Variants in JADE3 observed in about 807,000 individuals in gnomAD.
The protein encoded by JADE3 is protein Jade-3.
In JADE3, 2 loss-of-function variants were observed where a neutral mutation model predicts 50.1. That is an observed-to-expected ratio of 0.04 (90% confidence interval 0.02 to 0.13). JADE3 has a LOEUF of 0.13. JADE3 is among the 10% of genes least tolerant of loss of function. JADE3 has a pLI of 1.00. For synonymous variants in JADE3, 218 were observed against 232.9 expected (o/e 0.94, Z 0.58); for missense variants, 475 against 634.4 (o/e 0.75, Z 2.70).
chrX:46,940,642 C>T (rs1185098418), intron 1 of JADE3, among the ~76,000 whole-genome samples: 1 of 110,898 alleles, frequency 9.0e-6, no homozygotes, highest in Non-Finnish European at 1.9e-5. Flanking sequence ...CTTACCAGGA[C>T]CTCAGCCTGA....
At chrX:46,939,455 G>A (rs1444011875) in intron 1 of JADE3, among the ~76,000 whole-genome samples, 2 of 111,495 alleles carry the variant, frequency 1.8e-5, no homozygotes, top group African/African-American at 6.5e-5. Context: ...AGAATTTAAC[G>A]TTAGTAAATT....
chrX:47,042,234 G>T (rs374490358), intron 8 of JADE3, among the ~76,000 whole-genome samples: 4 of 111,539 alleles, frequency 3.6e-5, no homozygotes, highest in African/African-American at 1.3e-4. Flanking sequence ...TTAGTAATTG[G>T]CAATAAGACT....
At chrX:47,026,034 T>C (rs1441699110) in intron 5 of JADE3, among the ~76,000 whole-genome samples, 1 of 111,713 alleles carries the variant, frequency 9.0e-6, no homozygotes, top group South Asian at 3.8e-4. Context: ...TTTTATGTCT[T>C]TTCTTGCTCT....
intron 6 of JADE3, among the ~76,000 whole-genome samples, chrX:47,028,634 A>G (rs958743224): frequency 2.7e-5 from 3 of 111,323 alleles, no homozygotes; most frequent in African/African-American, 9.8e-5. Flanking sequence ...TAACTCCTCA[A>G]TTTTACACAA....
intron 1 of JADE3, among the ~76,000 whole-genome samples, chrX:46,980,706 C>T (rs1927728374): frequency 9.0e-6 from 1 of 111,324 alleles, no homozygotes. Context: ...TTCTCTTATG[C>T]TTTTTGTAAA....
At chrX:46,919,560 G>T (rs1926176448) in intron 1 of JADE3, among the ~76,000 whole-genome samples, 1 of 112,011 alleles carries the variant, frequency 8.9e-6, no homozygotes, top group Non-Finnish European at 1.9e-5. Flanking sequence ...TGAGTGGCCA[G>T]GAATTACCAA....
chrX:46,995,137 C>T (rs1000618235), intron 3 of JADE3, among the ~76,000 whole-genome samples: 5 of 107,317 alleles, frequency 4.7e-5, no homozygotes, highest in African/African-American at 1.7e-4. Flanking sequence ...TCATGCCATT[C>T]TCCTGCCTCA....
At chrX:46,938,440 C>T (rs1462614953) in intron 1 of JADE3, among the ~76,000 whole-genome samples, 13 of 111,498 alleles carry the variant, frequency 1.2e-4, no homozygotes, top group Non-Finnish European at 2.1e-4. Flanking sequence ...AGAAACCTTA[C>T]CACCCTATAG....
At chrX:46,923,393 C>CTTTTTTTTTT (rs782555482) in intron 1 of JADE3, among the ~76,000 whole-genome samples, 122 of 11,516 alleles carry the variant, frequency 0.011, 17 homozygotes, top group South Asian at 0.075. Flanking sequence ...CTCTCTCTCT[C>CTTTTTTTTTT]TTTTTTTTTT....
chrX:47,050,365 G>A (rs1373754807), intron 8 of JADE3, among the ~76,000 whole-genome samples: 2 of 111,774 alleles, frequency 1.8e-5, no homozygotes, highest in Non-Finnish European at 3.8e-5. Flanking sequence ...CATCTCATGC[G>A]TTTATCATTT....
intron 6 of JADE3, 46 bp from the exon 7 acceptor site, chrX:47,033,575 G>C (rs1556367227): frequency 1.9e-6 from 2 of 1,079,493 alleles, no homozygotes; most frequent in Admixed American, 2.4e-5. Context: ...ACCAACCCTG[G>C]TGAGAAGGTG....
intron 3 of JADE3, among the ~76,000 whole-genome samples, chrX:46,986,107 G>A (rs1204275301): frequency 2.7e-5 from 3 of 111,496 alleles, no homozygotes; most frequent in Non-Finnish European, 3.8e-5. Context: ...ATGAGTAGAA[G>A]CAGCCTGAGG....
At chrX:47,037,499 CCT>C (rs1335748830) in intron 7 of JADE3, among the ~76,000 whole-genome samples, 1 of 111,882 alleles carries the variant, frequency 8.9e-6, no homozygotes, top group Non-Finnish European at 1.9e-5. Context: ...ATTACGGTAA[CCT>C]TGGCTGGGCG....
chrX:47,016,320 A>G (rs1928675262), intron 4 of JADE3, among the ~76,000 whole-genome samples: 1 of 111,864 alleles, frequency 8.9e-6, no homozygotes, highest in Admixed American at 9.5e-5. Flanking sequence ...CTATGAGATC[A>G]CAGGAACCTT....
rs782576073 is a variant in JADE3 at position 46,934,719 on chromosome X, G to T, written c.-12+22000G>T. On this transcript the variant is annotated intron_variant, in intron 1 of 10. Transcript: ENST00000614628. Reference sequence around the variant, plus strand: ...CAAAGTGCTGGGATTACAAGCCTGAGCCACCGTGCCCGGCCTTCTTCTATG... The same window carrying T: ...CAAAGTGCTGGGATTACAAGCCTGATCCACCGTGCCCGGCCTTCTTCTATG... Among the ~76,000 whole-genome samples the T allele has an allele frequency of 1.4e-4, 15 of 111,051 alleles. No homozygotes were observed. In the East Asian group the frequency reaches 4.3e-3, roughly 31 times the overall value.
At chrX:46,923,393 C>CTCTCTTT (rs1556338199) in intron 1 of JADE3, among the ~76,000 whole-genome samples, 1 of 11,525 alleles carries the variant, frequency 8.7e-5, no homozygotes, top group Admixed American at 1.5e-3. Flanking sequence ...CTCTCTCTCT[C>CTCTCTTT]TTTTTTTTTT....
chrX:46,963,924 G>A (rs1264559005), intron 1 of JADE3, among the ~76,000 whole-genome samples: 4 of 111,853 alleles, frequency 3.6e-5, no homozygotes, highest in East Asian at 2.8e-4. Flanking sequence ...AAAGAATTGG[G>A]GCCATTTTTG....
intron 8 of JADE3, among the ~76,000 whole-genome samples, chrX:47,040,122 C>T (rs1556369303): frequency 8.9e-6 from 1 of 112,194 alleles, no homozygotes; most frequent in African/African-American, 3.2e-5. Flanking sequence ...TAAGATGGCT[C>T]TTCTGGCTAG....
chrX:47,019,049 A>G (rs1556363708), intron 4 of JADE3, among the ~76,000 whole-genome samples: 1 of 111,836 alleles, frequency 8.9e-6, no homozygotes, highest in East Asian at 2.8e-4. Context: ...CTCCAAGTGC[A>G]TGCGTTCCTG....
Sources: gnomAD v4.1 joint callset for allele counts (sites outside exome capture counted in the v4.1 genomes callset) on GRCh38, gnomAD v4.1.1 for gene constraint, MANE v1.5 for transcripts, NCBI Gene and HGNC (gene_info 2026-07-23, HGNC 2026-07-21) for gene names.